SLC71A1: variants seen among roughly 807,000 people sequenced by gnomAD.
The protein encoded by SLC71A1 is hippocampus abundant gene transcript 1.
chr1:100,071,162 AG>A, the SLC71A1 span, among the ~76,000 whole-genome samples: 1 of 151,966 alleles, frequency 6.6e-6, no homozygotes, highest in Non-Finnish European at 1.5e-5. Flanking sequence ...CTTTAAAAAA[AG>A]TTTTTGAGGC....
chr1:100,047,603 G>A, the SLC71A1 span, among the ~76,000 whole-genome samples: 1 of 152,124 alleles, frequency 6.6e-6, no homozygotes, highest in Non-Finnish European at 1.5e-5. Flanking sequence ...TGTATTTTTA[G>A]TGGAGACGGG....
the SLC71A1 span, among the ~76,000 whole-genome samples, chr1:100,066,071 T>C: frequency 1.3e-5 from 2 of 152,214 alleles, no homozygotes; most frequent in African/African-American, 4.8e-5. Context: ...ACAGGTTTGC[T>C]CTACTCGTGT....
At chr1:100,049,254 G>A in the SLC71A1 span, among the ~76,000 whole-genome samples, 2 of 150,834 alleles carry the variant, frequency 1.3e-5, no homozygotes, top group Admixed American at 6.6e-5. Context: ...TACTTTCGCT[G>A]GGGATTGTTC....
the SLC71A1 span, chr1:100,081,996 T>C: frequency 6.2e-7 from 1 of 1,605,676 alleles, no homozygotes; most frequent in Non-Finnish European, 8.5e-7. Flanking sequence ...ACTTTATTCT[T>C]CCTCAGAATT....
the SLC71A1 span, among the ~76,000 whole-genome samples, chr1:100,076,911 G>T: frequency 3.3e-5 from 5 of 152,132 alleles, no homozygotes; most frequent in Admixed American, 3.3e-4. Flanking sequence ...TGATTTAAGT[G>T]GTCCTCAGTA....
At chr1:100,056,487 G>A in the SLC71A1 span, among the ~76,000 whole-genome samples, 1 of 152,154 alleles carries the variant, frequency 6.6e-6, no homozygotes, top group East Asian at 1.9e-4. Flanking sequence ...GGTGCACACC[G>A]TAATCCCAGC....
At chr1:100,065,726 CCCTTT>C in the SLC71A1 span, among the ~76,000 whole-genome samples, 1 of 149,084 alleles carries the variant, frequency 6.7e-6, no homozygotes, top group Non-Finnish European at 1.5e-5. Context: ...CCTTTTTTAA[CCCTTT>C]CCTTCCCCTT....
chr1:100,050,838 G>A, the SLC71A1 span, among the ~76,000 whole-genome samples: 1 of 152,074 alleles, frequency 6.6e-6, no homozygotes, highest in Non-Finnish European at 1.5e-5. Flanking sequence ...TGTAATCCCA[G>A]CATTTTGGGA....
the SLC71A1 span, among the ~76,000 whole-genome samples, chr1:100,050,163 C>G: frequency 1.3e-5 from 2 of 152,106 alleles, no homozygotes; most frequent in African/African-American, 4.8e-5. Flanking sequence ...CAACTGTTAA[C>G]TCTCCCTTAC....
chr1:100,061,713 A>T, the SLC71A1 span: 105 of 668,890 alleles, frequency 1.6e-4, no homozygotes, highest in Non-Finnish European at 2.5e-4. Flanking sequence ...TAATCCATGA[A>T]CTATCCTAGT....
the SLC71A1 span, among the ~76,000 whole-genome samples, chr1:100,046,117 C>T: frequency 1.4e-5 from 2 of 144,978 alleles, no homozygotes; most frequent in Non-Finnish European, 3.0e-5. Flanking sequence ...GCTCTATTGT[C>T]TATGTATCTG....
At chr1:100,068,442 C>T in the SLC71A1 span, 1 of 1,420,488 alleles carries the variant, frequency 7.0e-7, no homozygotes, top group Non-Finnish European at 9.9e-7. Context: ...GATAGAAAAC[C>T]TTATATCAAT....
the SLC71A1 span, among the ~76,000 whole-genome samples, chr1:100,058,432 T>C: frequency 2.0e-5 from 3 of 152,204 alleles, no homozygotes; most frequent in Non-Finnish European, 1.5e-5. Context: ...CTGATAGGGC[T>C]GTTATGAGGG....
At chr1:100,043,750 TC>T in the SLC71A1 span, among the ~76,000 whole-genome samples, 5 of 152,352 alleles carry the variant, frequency 3.3e-5, 1 homozygote, top group Middle Eastern at 6.8e-3. Context: ...ATTCTATTAG[TC>T]TTACGCCTTT....
the SLC71A1 span, chr1:100,078,672 A>C: frequency 1.5e-5 from 10 of 655,682 alleles, no homozygotes; most frequent in South Asian, 2.2e-4. Flanking sequence ...ATTGCTTTTG[A>C]TATAAACAGG....
chr1:100,064,372 G>A, the SLC71A1 span, among the ~76,000 whole-genome samples: 13 of 152,170 alleles, frequency 8.5e-5, no homozygotes, highest in South Asian at 1.5e-3. Flanking sequence ...CCTTTGGTCC[G>A]CCTGCCTCGG....
chr1:100,056,112 C>G, the SLC71A1 span, among the ~76,000 whole-genome samples: 1 of 152,190 alleles, frequency 6.6e-6, no homozygotes, highest in East Asian at 1.9e-4. Flanking sequence ...TTGTGCCTAT[C>G]AAGTACTAGA....
the SLC71A1 span, chr1:100,050,045 CTCT>C: frequency 3.8e-6 from 4 of 1,040,716 alleles, no homozygotes; most frequent in Non-Finnish European, 4.4e-6. Flanking sequence ...ACTCCAAAAT[CTCT>C]TCTTCTTCAG....
the SLC71A1 span, chr1:100,080,366 T>C: frequency 8.8e-5 from 61 of 696,278 alleles, no homozygotes; most frequent in Admixed American, 4.8e-4. Context: ...TTTAATGACA[T>C]TGCTATAAAT....
Sources: gnomAD v4.1 joint callset for allele counts (sites outside exome capture counted in the v4.1 genomes callset) on GRCh38, gnomAD v4.1.1 for gene constraint, MANE v1.5 for transcripts, NCBI Gene and HGNC (gene_info 2026-07-23, HGNC 2026-07-21) for gene names.